NPAS3: variants seen among roughly 807,000 people sequenced by gnomAD.
NPAS3 encodes the protein neuronal PAS domain-containing protein 3.
NPAS3 carries 14 observed loss-of-function variants against 73.1 expected under a neutral mutation model. The observed-to-expected ratio is 0.19, with a 90% CI of 0.13 to 0.30. The LOEUF (loss-of-function observed/expected upper bound fraction) is 0.30. Among genes scored for constraint, NPAS3 ranks in the 10% least tolerant of loss-of-function variants. The pLI is 1.00. For missense variants in NPAS3, 1,096 were observed against 1,250.0 expected (o/e 0.88, Z 1.86); for synonymous variants, 620 against 541.5 (o/e 1.14, Z -2.01).
chr14:33,615,884 C>T lies in NPAS3; in HGVS notation c.558+55674C>T, dbSNP rs574216257. ...AAAAGAAAAAGAAAAATACCCGAGG[C>T]AAAAATGTTGCCCTATTTATGGCAG... On this transcript the variant is annotated intron_variant, in intron 5 of 11. Coordinates refer to ENST00000356141, the Ensembl canonical transcript of NPAS3. Among the ~76,000 whole-genome samples the T allele has an allele frequency of 2.0e-5, 3 of 152,264 alleles. No homozygotes were observed. The South Asian group carries it at 6.2e-4, about 32-fold the overall frequency.
intron 2 of NPAS3, among the ~76,000 whole-genome samples, chr14:33,129,380 A>G (rs2043550519): frequency 6.6e-6 from 1 of 152,168 alleles, no homozygotes. Context: ...ACACATGTGA[A>G]TATTGATAGC....
chr14:33,538,566 C>T (rs931264920), intron 4 of NPAS3, among the ~76,000 whole-genome samples: 1 of 152,174 alleles, frequency 6.6e-6, no homozygotes, highest in African/African-American at 2.4e-5. Flanking sequence ...TTAAAATCTG[C>T]TGTTGCAAAA....
chr14:33,234,013 A>G (rs928578978), intron 3 of NPAS3, among the ~76,000 whole-genome samples: 3 of 152,124 alleles, frequency 2.0e-5, no homozygotes, highest in African/African-American at 7.2e-5. Flanking sequence ...TCAAATGTAT[A>G]TTAGATAAAG....
chr14:33,100,006 G>A (rs779780832), intron 2 of NPAS3, among the ~76,000 whole-genome samples: 1 of 152,084 alleles, frequency 6.6e-6, no homozygotes, highest in African/African-American at 2.4e-5. Flanking sequence ...AACAAGTCTT[G>A]GTTTATGAGT....
chr14:33,555,795 C>A (rs1221917914), intron 4 of NPAS3, among the ~76,000 whole-genome samples: 2 of 152,064 alleles, frequency 1.3e-5, no homozygotes, highest in African/African-American at 4.8e-5. Context: ...GTAATCAAAT[C>A]TGAGATACGG....
At chr14:33,698,978 G>A (rs1412866557) in intron 6 of NPAS3, among the ~76,000 whole-genome samples, 1 of 152,162 alleles carries the variant, frequency 6.6e-6, no homozygotes, top group Admixed American at 6.5e-5. Flanking sequence ...TGTCATTTAT[G>A]TACCAAGTGA....
At chr14:33,114,703 GT>G (rs1249124665) in intron 2 of NPAS3, among the ~76,000 whole-genome samples, 1 of 152,074 alleles carries the variant, frequency 6.6e-6, no homozygotes, top group Non-Finnish European at 1.5e-5. Context: ...ATATGTCATG[GT>G]CACGTTAAAC....
rs1301582475 is a variant in NPAS3 at position 33,175,154 on chromosome 14, TATTG to T, written c.141-40022_141-40019del. On this transcript the variant is annotated intron_variant, in intron 2 of 11. Transcript: ENST00000356141. The stretch of plus-strand genomic sequence containing the variant: ...TAATTCAGTTGATGTGTTTGAAAAA[TATTG>T]ATTGACATAATTTAAAATGTAGATG... 3.3e-5 allele frequency among the ~76,000 whole-genome samples: 5 copies of T among 152,298 alleles called. No individual in the cohort carries two copies. The East Asian group carries it at 5.8e-4, about 18-fold the overall frequency.
intron 6 of NPAS3, among the ~76,000 whole-genome samples, chr14:33,710,028 C>T (rs1399155530): frequency 6.6e-6 from 1 of 152,206 alleles, no homozygotes; most frequent in African/African-American, 2.4e-5. Context: ...ACACATTCAA[C>T]ATTACCCTTA....
chr14:33,333,199 G>A lies in NPAS3; in HGVS notation c.386-33987G>A, dbSNP rs76366063. On this transcript the variant is annotated intron_variant, in intron 3 of 11. Transcript: ENST00000356141. ...AAGTGCAAACAGTAGTTTTCACATCGAAATTTTGAACATAAATGAGATGAT... is the reference window on the plus strand; with the variant it reads ...AAGTGCAAACAGTAGTTTTCACATCAAAATTTTGAACATAAATGAGATGAT... 0.01 allele frequency among the ~76,000 whole-genome samples: 1,546 copies of A among 152,160 alleles called. 130 individuals carry two copies. The East Asian group carries it at 0.21, about 21-fold the overall frequency.
intron 5 of NPAS3, among the ~76,000 whole-genome samples, chr14:33,662,286 T>TTCA: frequency 6.6e-6 from 1 of 152,312 alleles, no homozygotes; most frequent in East Asian, 1.9e-4. Flanking sequence ...TGAAATACTC[T>TTCA]TCATCTTGAG....
chr14:33,653,244 G>A (rs2059050422), intron 5 of NPAS3, among the ~76,000 whole-genome samples: 1 of 152,232 alleles, frequency 6.6e-6, no homozygotes, highest in Admixed American at 6.5e-5. Context: ...CCGTATTGCT[G>A]ACAATGCCTT....
At chr14:32,989,657 ACAACAACAAC>A (rs2038245000) in intron 1 of NPAS3, among the ~76,000 whole-genome samples, 1 of 121,880 alleles carries the variant, frequency 8.2e-6, no homozygotes, top group African/African-American at 4.7e-5. Flanking sequence ...AACAACAACA[ACAACAACAAC>A]AACAAAACAA....
intron 2 of NPAS3, among the ~76,000 whole-genome samples, chr14:33,105,610 G>A (rs1014389316): frequency 4.6e-5 from 7 of 152,106 alleles, no homozygotes; most frequent in African/African-American, 1.4e-4. Context: ...GTTACAATGA[G>A]TCATGCAGTA....
chr14:33,742,610 G>A (rs2061682914), intron 7 of NPAS3, among the ~76,000 whole-genome samples: 1 of 152,176 alleles, frequency 6.6e-6, no homozygotes, highest in African/African-American at 2.4e-5. Context: ...GACTGATCAG[G>A]GTGGTGGTTG....
At position 33,262,249 on chromosome 14, in the gene NPAS3, C is replaced by T. The variant is rs114318753; in HGVS notation, c.385+46823C>T. Among the ~76,000 whole-genome samples, 809 of 152,214 alleles carry T rather than the reference C, an allele frequency of 5.3e-3. 6 individuals carry two copies. Among genetic ancestry groups the T allele is most frequent in the African/African-American group, 0.018 (767 of 41,548 alleles). The stretch of plus-strand genomic sequence containing the variant: ...CTCAGAATCCCAGGAGAAACTTTTG[C>T]CTAATTTTGTGTTGATTGTCTCATA... On this transcript the variant is annotated intron_variant, in intron 3 of 11. Coordinates refer to ENST00000356141, the Ensembl canonical transcript of NPAS3.
intron 7 of NPAS3, 117 bp downstream of exon 7, chr14:33,735,449 C>T (rs944920925): frequency 5.5e-6 from 4 of 726,754 alleles, no homozygotes; most frequent in African/African-American, 1.7e-5. Context: ...TTGAGGAGCC[C>T]ATAGGATTCC....
chr14:33,644,534 C>A (rs1198911295), intron 5 of NPAS3, among the ~76,000 whole-genome samples: 2 of 152,162 alleles, frequency 1.3e-5, no homozygotes, highest in Non-Finnish European at 2.9e-5. Flanking sequence ...TATCTGTTTT[C>A]ATTTTCTTCA....
chr14:33,136,997 C>CA (rs1194692238), intron 2 of NPAS3, among the ~76,000 whole-genome samples: 1 of 151,960 alleles, frequency 6.6e-6, no homozygotes. Flanking sequence ...ATGAATATGC[C>CA]AAAACTTCTT....
Sources: allele counts gnomAD v4.1 joint callset (sites outside exome capture counted in the v4.1 genomes callset), GRCh38; gene constraint gnomAD v4.1.1; transcripts MANE v1.5; gene names NCBI Gene and HGNC (gene_info 2026-07-23, HGNC 2026-07-21).